The following LGSN variants were observed in gnomAD, a reference collection of about 807,000 sequenced individuals.
LGSN encodes lengsin.
Under a neutral mutation model 19.5 loss-of-function variants are expected in LGSN, and 21 were observed. The observed-to-expected ratio is 1.07, with a 90% CI of 0.76 to 1.55. The LOEUF is 1.55. LGSN is among the 40% of genes most tolerant of loss of function. The pLI is 0.00. For synonymous variants in LGSN, 257 were observed against 215.6 expected, an observed-to-expected ratio of 1.19 and a Z score of -1.68; for missense variants, 673 against 608.5, an observed-to-expected ratio of 1.11 and a Z score of -1.12.
At chr6:63,403,804 G>C in the LGSN span, among the ~76,000 whole-genome samples, 6 of 152,128 alleles carry the variant, frequency 3.9e-5, no homozygotes, top group Non-Finnish European at 5.9e-5. Flanking sequence ...ACATCCTGGT[G>C]TTCGTGACTT....
the LGSN span, among the ~76,000 whole-genome samples, chr6:63,333,502 A>C: frequency 6.6e-6 from 1 of 150,472 alleles, no homozygotes; most frequent in Non-Finnish European, 1.5e-5. Flanking sequence ...AAAGAACAAA[A>C]GAATGAAAGA....
the LGSN span, among the ~76,000 whole-genome samples, chr6:63,459,032 A>G: frequency 1.3e-5 from 2 of 152,228 alleles, no homozygotes; most frequent in African/African-American, 4.8e-5. Flanking sequence ...TCAGACTAAG[A>G]TGCTTATGAC....
the LGSN span, among the ~76,000 whole-genome samples, chr6:63,481,624 A>G: frequency 5.0e-4 from 76 of 152,002 alleles, no homozygotes; most frequent in African/African-American, 1.7e-3. Flanking sequence ...GGGATTACAG[A>G]CGTGAGCCAC....
the LGSN span, among the ~76,000 whole-genome samples, chr6:63,452,772 T>G: frequency 6.6e-6 from 1 of 151,988 alleles, no homozygotes; most frequent in Non-Finnish European, 1.5e-5. Context: ...TCTTCTTTTT[T>G]CTGCTTTCTA....
In LGSN at chr6:63,285,572, C is replaced by CTG. The variant is rs111598840; in HGVS notation, c.330+13_330+14dup. The CTG allele has an allele frequency of 9.8e-3, 15,711 of 1,598,102 alleles. 1,269 individuals are homozygous for CTG. In the African/African-American group the frequency reaches 0.18, roughly 18 times the overall value. On this transcript the variant is annotated intron_variant, in intron 3 of 3. Transcript: ENST00000370657. ...GTCATGAAATTACATTTAGTCACAA[C>CTG]TGTGTAAAACTCACTTGAAAAAAGT...
the LGSN span, among the ~76,000 whole-genome samples, chr6:63,333,441 A>G: frequency 6.6e-6 from 1 of 150,896 alleles, no homozygotes; most frequent in African/African-American, 2.4e-5. Flanking sequence ...AGAAAAGAAA[A>G]GAGGGAAGGG....
At chr6:63,540,176 G>A in the LGSN span, among the ~76,000 whole-genome samples, 2 of 152,272 alleles carry the variant, frequency 1.3e-5, no homozygotes, top group South Asian at 4.1e-4. Flanking sequence ...TGCATGGTTG[G>A]AGAGTGAATA....
intron 2 of LGSN, among the ~76,000 whole-genome samples, chr6:63,289,311 T>C (rs923387138): frequency 1.4e-4 from 22 of 152,214 alleles, no homozygotes; most frequent in African/African-American, 5.3e-4. Flanking sequence ...TCACCAAATA[T>C]GAGAACGCTA....
intron 3 of LGSN, among the ~76,000 whole-genome samples, chr6:63,281,977 G>A (rs568159983): frequency 1.1e-3 from 161 of 152,166 alleles, no homozygotes; most frequent in Non-Finnish European, 1.4e-3. Flanking sequence ...TTCGTTAATT[G>A]CTTTGGTGAA....
the LGSN span, among the ~76,000 whole-genome samples, chr6:63,325,103 C>CAA: frequency 1.8e-3 from 120 of 65,124 alleles, 2 homozygotes; most frequent in South Asian, 4.2e-3. Flanking sequence ...AACTCTGTCT[C>CAA]AAAAAAAAAA....
chr6:63,476,852 G>A, the LGSN span, among the ~76,000 whole-genome samples: 2 of 152,298 alleles, frequency 1.3e-5, no homozygotes, highest in East Asian at 1.9e-4. Flanking sequence ...TAGGAAAGAA[G>A]TCTTATAAAA....
chr6:63,393,544 T>G, the LGSN span, among the ~76,000 whole-genome samples: 1 of 152,166 alleles, frequency 6.6e-6, no homozygotes, highest in Non-Finnish European at 1.5e-5. Context: ...AAAGCCCATT[T>G]GCACAATAAG....
chr6:63,369,689 G>T, the LGSN span, among the ~76,000 whole-genome samples: 1,712 of 152,236 alleles, frequency 0.011, 21 homozygotes, highest in African/African-American at 0.039. Context: ...CTTTCCAGAA[G>T]CACACTCTCT....
At chr6:63,455,376 T>C in the LGSN span, among the ~76,000 whole-genome samples, 1 of 152,238 alleles carries the variant, frequency 6.6e-6, no homozygotes, top group Non-Finnish European at 1.5e-5. Flanking sequence ...CAAAGAACAA[T>C]GCATAGCCAA....
chr6:63,304,804 AT>A (rs1768316698), intron 1 of LGSN, among the ~76,000 whole-genome samples: 1 of 152,166 alleles, frequency 6.6e-6, no homozygotes, highest in African/African-American at 2.4e-5. Context: ...CATGTGTAGA[AT>A]GTCAGATGGT....
At chr6:63,561,051 G>A in the LGSN span, among the ~76,000 whole-genome samples, 8 of 152,284 alleles carry the variant, frequency 5.3e-5, no homozygotes, top group South Asian at 2.1e-4. Context: ...ATCAGAACAC[G>A]TAGGAAGCCA....
the LGSN span, among the ~76,000 whole-genome samples, chr6:63,358,869 G>T: frequency 6.6e-6 from 1 of 152,052 alleles, no homozygotes; most frequent in South Asian, 2.1e-4. Flanking sequence ...CCAACACTAT[G>T]TTGAATAGGA....
chr6:63,400,293 C>A, the LGSN span, among the ~76,000 whole-genome samples: 2 of 152,268 alleles, frequency 1.3e-5, no homozygotes, highest in South Asian at 2.1e-4. Flanking sequence ...GTCTACTGGG[C>A]AGATGCACTG....
chr6:63,519,183 T>C, the LGSN span, among the ~76,000 whole-genome samples: 1 of 152,064 alleles, frequency 6.6e-6, no homozygotes, highest in Non-Finnish European at 1.5e-5. Flanking sequence ...GGTGGGTGCC[T>C]GTAATCCCAG....
Sources: allele counts gnomAD v4.1 joint callset (sites outside exome capture counted in the v4.1 genomes callset), GRCh38; gene constraint gnomAD v4.1.1; transcripts MANE v1.5; gene names NCBI Gene and HGNC (gene_info 2026-07-23, HGNC 2026-07-21).